Variants in GMDS observed in about 807,000 individuals in gnomAD.
GMDS encodes the protein GDP-mannose 4,6 dehydratase.
GMDS carries 20 observed loss-of-function variants against 49.9 expected under a neutral mutation model. The observed-to-expected ratio is 0.40, with a 90% CI of 0.28 to 0.58. The LOEUF is 0.58. Ranked by LOEUF, GMDS falls within the 20% of genes least tolerant of loss-of-function variation. The pLI is 0.42. For synonymous variants in GMDS, 177 were observed against 178.6 expected (o/e 0.99, Z 0.07); for missense variants, 362 against 481.4 (o/e 0.75, Z 2.32).
chr6:1,805,404 G>T (rs183562452), intron 7 of GMDS, among the ~76,000 whole-genome samples: 3 of 152,270 alleles, frequency 2.0e-5, no homozygotes, highest in African/African-American at 7.2e-5. Context: ...CTGCTGTACT[G>T]CTCTAACATG....
intron 1 of GMDS, among the ~76,000 whole-genome samples, chr6:2,236,349 T>C (rs958659480): frequency 6.6e-6 from 1 of 152,208 alleles, no homozygotes; most frequent in African/African-American, 2.4e-5. Context: ...ATCCGTGGAA[T>C]TTTAAGAAGC....
intron 6 of GMDS, among the ~76,000 whole-genome samples, chr6:1,959,303 A>G (rs1376764280): frequency 6.6e-6 from 1 of 152,212 alleles, no homozygotes; most frequent in Non-Finnish European, 1.5e-5. Flanking sequence ...ATCACTACAC[A>G]TTGTTTCAAA....
intron 7 of GMDS, among the ~76,000 whole-genome samples, chr6:1,811,958 A>T (rs532899448): frequency 6.6e-6 from 1 of 152,308 alleles, no homozygotes; most frequent in East Asian, 1.9e-4. Flanking sequence ...TTGTACACCT[A>T]CTATGTTCCA....
chr6:1,775,996 AATGG>A (rs1768816854), intron 7 of GMDS, among the ~76,000 whole-genome samples: 1 of 152,294 alleles, frequency 6.6e-6, no homozygotes, highest in East Asian at 1.9e-4. Flanking sequence ...TGAGCAATAC[AATGG>A]GTGTCCTGTC....
At chr6:1,783,596 G>A (rs1769198429) in intron 7 of GMDS, among the ~76,000 whole-genome samples, 1 of 152,182 alleles carries the variant, frequency 6.6e-6, no homozygotes, top group Non-Finnish European at 1.5e-5. Context: ...ATAATAAAAT[G>A]CACACTGAAT....
At chr6:1,638,586 T>C (rs949524412) in intron 9 of GMDS, among the ~76,000 whole-genome samples, 1 of 140,806 alleles carries the variant, frequency 7.1e-6, no homozygotes, top group Non-Finnish European at 1.5e-5. Flanking sequence ...CTGGGGGGCA[T>C]TATTCAAGGA....
chr6:1,958,316 G>A (rs932042721), intron 6 of GMDS, among the ~76,000 whole-genome samples: 4 of 151,662 alleles, frequency 2.6e-5, no homozygotes, highest in Non-Finnish European at 5.9e-5. Flanking sequence ...AGGTGGAAAA[G>A]TTGAGGGAGG....
chr6:1,640,815 T>TG lies in GMDS; in HGVS notation c.988-16276dup, dbSNP rs60214815. 6.9e-3 allele frequency among the ~76,000 whole-genome samples: 1,034 copies of TG among 150,698 alleles called. 10 individuals are homozygous for TG. In the Middle Eastern group the frequency reaches 0.073, roughly 11 times the overall value. ...CTCTGATAAAAAGAAAATTGGGTAA[T>TG]GGGGGGGGTCACGAATGCCAACACG... On this transcript the variant is annotated intron_variant, in intron 9 of 10. Coordinates refer to ENST00000380815, the MANE Select transcript of GMDS (RefSeq NM_001500.4). The surrounding 1 kb of genome is among the most constrained non-coding windows in gnomAD (Gnocchi z 4.0).
rs1298620820 is a variant in GMDS at position 2,066,282 on chromosome 6, AG to A, written c.345+49488del. ...CCTGAAGAAAGCGCTAAACATGGAA[AG>A]GAACAACCGGTACCAGCCACTGCAA... is the stretch of plus-strand genomic sequence containing the variant. On this transcript the variant is annotated intron_variant, in intron 4 of 10. Transcript: ENST00000380815. Among the ~76,000 whole-genome samples the A allele has an allele frequency of 2.0e-5, 3 of 150,084 alleles. No individual in the cohort carries two copies. In the East Asian group the frequency reaches 5.8e-4, roughly 29 times the overall value.
chr6:1,731,404 C>T (rs1207782861), intron 8 of GMDS, among the ~76,000 whole-genome samples: 1 of 152,176 alleles, frequency 6.6e-6, no homozygotes, highest in Non-Finnish European at 1.5e-5. Flanking sequence ...ACGAATGGGT[C>T]TAGACCCACC....
chr6:1,664,369 C>T (rs1764174068), intron 9 of GMDS, among the ~76,000 whole-genome samples: 1 of 152,226 alleles, frequency 6.6e-6, no homozygotes, highest in Non-Finnish European at 1.5e-5. Flanking sequence ...TGGAACCACA[C>T]TGTCCTCTGT....
At chr6:1,914,132 T>G (rs1419821335) in intron 7 of GMDS, among the ~76,000 whole-genome samples, 1 of 41,814 alleles carries the variant, frequency 2.4e-5, no homozygotes, top group African/African-American at 2.1e-4. Context: ...TTTTTGTTTG[T>G]TTTTTTTTTT....
chr6:2,026,526 C>T (rs1198329883), intron 4 of GMDS, among the ~76,000 whole-genome samples: 2 of 152,224 alleles, frequency 1.3e-5, no homozygotes, highest in Non-Finnish European at 1.5e-5. Context: ...GCAGCTGAAT[C>T]GACATTTTTA....
rs891957410 is a variant in GMDS at position 1,975,948 on chromosome 6, C to T, written c.346-14982G>A. Among the ~76,000 whole-genome samples, 5 of 152,276 alleles carry T rather than the reference C, an allele frequency of 3.3e-5. No individual in the cohort carries two copies. In the East Asian group the frequency reaches 9.7e-4, roughly 29 times the overall value. On this transcript the variant is annotated intron_variant, in intron 4 of 10. Transcript: ENST00000380815. ...TGCACCCCTAGGAGGCTGTGAAGTCCTGGTAACCACACTTTGAGATGGTCA... is the reference window on the plus strand; with the variant it reads ...TGCACCCCTAGGAGGCTGTGAAGTCTTGGTAACCACACTTTGAGATGGTCA...
At chr6:2,106,330 G>A (rs918565408) in intron 4 of GMDS, among the ~76,000 whole-genome samples, 3 of 151,930 alleles carry the variant, frequency 2.0e-5, no homozygotes, top group African/African-American at 4.8e-5. Context: ...TTATTTTACC[G>A]TACTAACTTT....
intron 1 of GMDS, among the ~76,000 whole-genome samples, chr6:2,244,235 G>A (rs1251511250): frequency 3.3e-5 from 5 of 151,966 alleles, no homozygotes; most frequent in Non-Finnish European, 5.9e-5. Context: ...ACACTTCCCA[G>A]CGGTTTAACC....
At chr6:1,782,700 C>T (rs1049261316) in intron 7 of GMDS, among the ~76,000 whole-genome samples, 6 of 152,264 alleles carry the variant, frequency 3.9e-5, no homozygotes, top group Non-Finnish European at 7.4e-5. Context: ...GGAATAAGTA[C>T]GGGTGAAATG....
intron 1 of GMDS, among the ~76,000 whole-genome samples, chr6:2,179,098 C>A (rs1249029048): frequency 1.3e-5 from 2 of 152,136 alleles, no homozygotes; most frequent in Non-Finnish European, 2.9e-5. Flanking sequence ...TGCAAACCAC[C>A]ATAGTACATG....
chr6:1,692,065 G>T (rs1019183842), intron 9 of GMDS, among the ~76,000 whole-genome samples: 1 of 152,210 alleles, frequency 6.6e-6, no homozygotes, highest in African/African-American at 2.4e-5. Context: ...GACATGGGAA[G>T]GGCAGACTTG....
Sources: gnomAD v4.1 joint callset for allele counts (sites outside exome capture counted in the v4.1 genomes callset) on GRCh38, gnomAD v4.1.1 for gene constraint, Gnocchi (gnomAD v3.1) non-coding constraint, MANE v1.5 for transcripts, NCBI Gene and HGNC (gene_info 2026-07-23, HGNC 2026-07-21) for gene names.